Variants in RASGRF2 observed in about 807,000 individuals in gnomAD.
RASGRF2 encodes ras-specific guanine nucleotide-releasing factor 2.
A neutral mutation model predicts 151.0 loss-of-function variants in RASGRF2; 76 were observed. That is an observed-to-expected ratio of 0.50 (90% CI 0.42 to 0.61). RASGRF2 has a LOEUF of 0.61. Among genes scored for constraint, RASGRF2 ranks in the 20% least tolerant of loss-of-function variants. The pLI, the probability that RASGRF2 is intolerant of heterozygous loss-of-function variation, is 0.00. For synonymous variants in RASGRF2, 504 were observed against 566.5 expected, an observed-to-expected ratio of 0.89 and a Z score of 1.57; for missense variants, 1,148 against 1,564.6, an observed-to-expected ratio of 0.73 and a Z score of 4.49.
intron 1 of RASGRF2, among the ~76,000 whole-genome samples, chr5:81,015,010 C>G (rs551314419): frequency 1.3e-4 from 20 of 152,192 alleles, no homozygotes; most frequent in African/African-American, 4.8e-4. Context: ...TCCTTGACCT[C>G]CCGGACTCAA....
At chr5:81,176,615 G>A (rs1754780259) in intron 17 of RASGRF2, among the ~76,000 whole-genome samples, 1 of 151,998 alleles carries the variant, frequency 6.6e-6, no homozygotes, top group Non-Finnish European at 1.5e-5. Flanking sequence ...TTATAATTTT[G>A]GATTGTGAGC....
At chr5:81,151,755 G>C (rs1451048373) in intron 17 of RASGRF2, among the ~76,000 whole-genome samples, 4 of 152,102 alleles carry the variant, frequency 2.6e-5, no homozygotes, top group Non-Finnish European at 5.9e-5. Flanking sequence ...GACATTCCTG[G>C]GGTGATTTTC....
At chr5:81,178,251 G>A (rs1754828139) in intron 17 of RASGRF2, among the ~76,000 whole-genome samples, 1 of 152,106 alleles carries the variant, frequency 6.6e-6, no homozygotes, top group African/African-American at 2.4e-5. Flanking sequence ...TTATATAGCA[G>A]ATAAAATTAT....
At chr5:81,216,543 C>T (rs374714076) in intron 24 of RASGRF2, among the ~76,000 whole-genome samples, 8 of 152,258 alleles carry the variant, frequency 5.3e-5, no homozygotes, top group Admixed American at 4.6e-4. Context: ...ATAATAGCAA[C>T]AACAGCAATA....
intron 19 of RASGRF2, among the ~76,000 whole-genome samples, chr5:81,205,343 G>A (rs1418011753): frequency 6.6e-6 from 1 of 152,146 alleles, no homozygotes; most frequent in Non-Finnish European, 1.5e-5. Flanking sequence ...TAAAGGAAGG[G>A]CCCACAACCC....
At chr5:81,085,087 C>A (rs759802177) in intron 7 of RASGRF2, among the ~76,000 whole-genome samples, 3 of 152,160 alleles carry the variant, frequency 2.0e-5, no homozygotes, top group South Asian at 2.1e-4. Context: ...CCAGTCTAAC[C>A]CCCGAGTGGG....
At chr5:81,108,452 G>C (rs1264363158) in intron 12 of RASGRF2, among the ~76,000 whole-genome samples, 2 of 152,200 alleles carry the variant, frequency 1.3e-5, no homozygotes, top group Non-Finnish European at 2.9e-5. Flanking sequence ...ATCAGTAGGG[G>C]CTGCCAGAGG....
intron 12 of RASGRF2, 83 bp from the exon 13 acceptor site, chr5:81,108,913 C>A (rs1580322667): frequency 1.3e-5 from 18 of 1,400,240 alleles, no homozygotes; most frequent in East Asian, 5.7e-5. Flanking sequence ...TGAATGGATT[C>A]TTTTAGCTAT....
At chr5:81,092,309 T>C (rs895016284) in intron 9 of RASGRF2, among the ~76,000 whole-genome samples, 7 of 125,220 alleles carry the variant, frequency 5.6e-5, no homozygotes, top group African/African-American at 1.9e-4. Flanking sequence ...ATTTTTATAA[T>C]ATACATGTAT....
intron 12 of RASGRF2, among the ~76,000 whole-genome samples, chr5:81,100,640 A>G (rs537038931): frequency 5.4e-4 from 83 of 152,316 alleles, no homozygotes; most frequent in Middle Eastern, 3.4e-3. Context: ...GTCATACATA[A>G]TGGTTTATTA....
intron 1 of RASGRF2, among the ~76,000 whole-genome samples, chr5:81,035,957 G>A (rs1750476253): frequency 6.6e-6 from 1 of 152,100 alleles, no homozygotes; most frequent in Non-Finnish European, 1.5e-5. Flanking sequence ...GGAATATGGA[G>A]AAGAAATTAA....
chr5:80,998,806 T>G (rs561960816), intron 1 of RASGRF2, among the ~76,000 whole-genome samples: 1 of 152,338 alleles, frequency 6.6e-6, no homozygotes, highest in East Asian at 1.9e-4. Context: ...AGCAGCCCAG[T>G]AGGCGAAGAG....
chr5:81,137,440 A>T (rs1753779755), intron 17 of RASGRF2, among the ~76,000 whole-genome samples: 1 of 152,210 alleles, frequency 6.6e-6, no homozygotes, highest in South Asian at 2.1e-4. Flanking sequence ...CTGTCTAATA[A>T]TTCCCAGGTC....
Position 81,073,385 on chromosome 5 carries a change from C to A in RASGRF2, c.820C>A (p.Arg274Ser), listed in dbSNP as rs376856331. 7 of 1,614,134 alleles carry A rather than the reference C, an allele frequency of 4.3e-6. No homozygotes were observed. The highest frequency in any genetic ancestry group is 5.1e-6 in the Non-Finnish European group (6 of 1,180,002). ...ILVNGFLRPL[R>S]MAASSKKPPI... ...GGTCAATGGCTTTCTCCGGCCCCTG[C>A]GTATGGCCGCCAGCTCCAAGAAGCC... is the stretch of plus-strand genomic sequence containing the variant. The change falls in exon 5 of 27, where the codon CGT (arginine) becomes AGT (serine). Residue 274 changes from arginine (R) to serine (S), a missense_variant. Coordinates refer to ENST00000265080, the MANE Select transcript of RASGRF2 (RefSeq NM_006909.3).
rs558469414 is a variant in RASGRF2 at position 80,982,639 on chromosome 5, T to C, written c.288+21613T>C. Among the ~76,000 whole-genome samples, 24 of 129,732 alleles carry C rather than the reference T, an allele frequency of 1.8e-4. No homozygotes were observed. The South Asian group carries it at 4.0e-3, about 21-fold the overall frequency. The allele number at this position is 129,732 out of a possible 152,430, so 85.1% of individuals were successfully genotyped here. On this transcript the variant is annotated intron_variant, in intron 1 of 26. Coordinates refer to ENST00000265080, the MANE Select transcript of RASGRF2 (RefSeq NM_006909.3). ...TATTTGAGACAGAGTCTCGCTCTGTTGCCCAGGCTGGAGTGCAGTGGCACA... is the reference window on the plus strand; with the variant it reads ...TATTTGAGACAGAGTCTCGCTCTGTCGCCCAGGCTGGAGTGCAGTGGCACA...
chr5:81,014,650 A>G (rs1749572828), intron 1 of RASGRF2, among the ~76,000 whole-genome samples: 1 of 152,214 alleles, frequency 6.6e-6, no homozygotes, highest in East Asian at 1.9e-4. Flanking sequence ...GAAATGTGCT[A>G]ATATGATATT....
chr5:81,055,823 A>T (rs1167699226), intron 2 of RASGRF2, among the ~76,000 whole-genome samples: 1 of 152,136 alleles, frequency 6.6e-6, no homozygotes, highest in East Asian at 1.9e-4. Context: ...TTATTGGTCT[A>T]TTCAGGGATT....
At chr5:81,006,662 C>T (rs918252815) in intron 1 of RASGRF2, among the ~76,000 whole-genome samples, 5 of 152,138 alleles carry the variant, frequency 3.3e-5, no homozygotes, top group African/African-American at 7.2e-5. Flanking sequence ...CATGCTGAAC[C>T]GAGGAAGGAG....
At chr5:81,059,798 C>G (rs1038310223) in intron 2 of RASGRF2, among the ~76,000 whole-genome samples, 1 of 151,992 alleles carries the variant, frequency 6.6e-6, no homozygotes, top group Non-Finnish European at 1.5e-5. Context: ...AAGCTGAGAT[C>G]GCGCCACTCC....
Sources: allele counts gnomAD v4.1 joint callset (sites outside exome capture counted in the v4.1 genomes callset), GRCh38; gene constraint gnomAD v4.1.1; transcripts MANE v1.5; gene names NCBI Gene and HGNC (gene_info 2026-07-23, HGNC 2026-07-21).